Variants in CACNA2D2 observed in about 807,000 individuals in gnomAD.
CACNA2D2 encodes calcium voltage-gated channel auxiliary subunit alpha2delta 2, also known as voltage-dependent calcium channel subunit alpha-2/delta-2.
CACNA2D2 carries 48 observed loss-of-function variants against 166.4 expected under a neutral mutation model. The observed-to-expected ratio is 0.29, with a 90% confidence interval of 0.23 to 0.37. CACNA2D2 has a LOEUF of 0.37. Ranked by LOEUF, CACNA2D2 falls within the 10% of genes least tolerant of loss-of-function variation. The pLI is 1.00. For missense variants in CACNA2D2, 1,122 were observed against 1,433.0 expected (o/e 0.78, Z 3.50); for synonymous variants, 561 against 573.7 (o/e 0.98, Z 0.32).
intron 1 of CACNA2D2, among the ~76,000 whole-genome samples, chr3:50,479,907 A>G (rs926704453): frequency 6.6e-6 from 1 of 152,174 alleles, no homozygotes; most frequent in South Asian, 2.1e-4. Flanking sequence ...TTTCATTGAG[A>G]TGACACTGCT....
At chr3:50,486,715 C>A (rs1322297797) in intron 1 of CACNA2D2, among the ~76,000 whole-genome samples, 1 of 152,224 alleles carries the variant, frequency 6.6e-6, no homozygotes, top group Non-Finnish European at 1.5e-5. Context: ...ACAGTTCTCA[C>A]CACACTTTAC....
intron 4 of CACNA2D2, among the ~76,000 whole-genome samples, chr3:50,387,842 G>A (rs587720510): frequency 3.3e-5 from 5 of 152,264 alleles, no homozygotes; most frequent in East Asian, 3.9e-4. Flanking sequence ...AGTACCCCTC[G>A]ACTGAGAATT....
intron 2 of CACNA2D2, among the ~76,000 whole-genome samples, chr3:50,454,897 G>A (rs1330767012): frequency 6.6e-6 from 1 of 152,170 alleles, no homozygotes; most frequent in Non-Finnish European, 1.5e-5. Flanking sequence ...AACACTGCCT[G>A]CTGCACTGGT....
intron 3 of CACNA2D2, among the ~76,000 whole-genome samples, chr3:50,403,600 C>G (rs1034106596): frequency 6.6e-6 from 1 of 152,204 alleles, no homozygotes; most frequent in African/African-American, 2.4e-5. Flanking sequence ...CCCCAGCCCC[C>G]ACACCTTCAG....
intron 3 of CACNA2D2, among the ~76,000 whole-genome samples, chr3:50,419,424 C>T (rs1346517621): frequency 2.6e-5 from 4 of 152,150 alleles, no homozygotes; most frequent in African/African-American, 9.7e-5. Flanking sequence ...ATGGTTGGAG[C>T]TCTGAGTCGG....
chr3:50,379,531 G>T lies in CACNA2D2; in HGVS notation c.1053C>A (p.Arg351=), dbSNP rs780856556. The T allele has an allele frequency of 6.2e-7, 1 of 1,613,978 alleles. No homozygotes were observed. The highest frequency in any genetic ancestry group is 2.2e-5 in the East Asian group (1 of 44,884). Residue 351 remains arginine (R), a synonymous_variant, in exon 11 of 38, where the codon CGC becomes CGA. Transcript: ENST00000424201. This position sits in a 1 kb window ranked among gnomAD's most constrained non-coding sequence, Gnocchi z 6.5. ...CFTHLVQANV[R]NKKVFKEAVQ... ...CAGCTTCCTTGAACACCTTCTTGTTGCGCACATTGGCCTGCACCAGGTGTG... is the reference window on the plus strand; with the variant it reads ...CAGCTTCCTTGAACACCTTCTTGTTTCGCACATTGGCCTGCACCAGGTGTG...
chr3:50,487,049 T>C (rs1359299965), intron 1 of CACNA2D2, among the ~76,000 whole-genome samples: 1 of 152,202 alleles, frequency 6.6e-6, no homozygotes, highest in African/African-American at 2.4e-5. Flanking sequence ...CGCAGGCCAG[T>C]TCATGCCCAC....
At chr3:50,478,217 C>CA (rs1243381436) in intron 1 of CACNA2D2, among the ~76,000 whole-genome samples, 4 of 152,244 alleles carry the variant, frequency 2.6e-5, no homozygotes, top group Non-Finnish European at 4.4e-5. Context: ...AAGCAGGCCT[C>CA]AGCTGCCAGC....
At chr3:50,481,625 C>T (rs1331256332) in intron 1 of CACNA2D2, among the ~76,000 whole-genome samples, 2 of 152,108 alleles carry the variant, frequency 1.3e-5, no homozygotes, top group Non-Finnish European at 2.9e-5. Context: ...TTGGCAATGG[C>T]GGGGCCCCAC....
At position 50,386,713 on chromosome 3, in the gene CACNA2D2, G is replaced by A. The variant is rs587682940; in HGVS notation, c.510+855C>T. Among the ~76,000 whole-genome samples, 17 of 152,256 alleles carry A rather than the reference G, an allele frequency of 1.1e-4. No homozygotes were observed. The South Asian group carries it at 1.2e-3, about 11-fold the overall frequency. On this transcript the variant is annotated intron_variant, in intron 5 of 37. Coordinates refer to ENST00000424201, the MANE Select transcript of CACNA2D2 (RefSeq NM_006030.4). ...TTGCCCCAGGAAACCCACCAAGCCC[G>A]CAGGCCTAAGAGAGGAAGACTGAAT...
chr3:50,373,366 AGTGAC>A (rs1454183554), intron 22 of CACNA2D2, among the ~76,000 whole-genome samples: 1 of 150,306 alleles, frequency 6.7e-6, no homozygotes, highest in African/African-American at 2.5e-5. Flanking sequence ...CCTCCCTCCC[AGTGAC>A]CTCGGGCGTG....
rs757016762 is a variant in CACNA2D2 at position 50,367,382 on chromosome 3, G to A, written c.2401+12C>T. 64 of 1,610,418 alleles carry A rather than the reference G, an allele frequency of 4.0e-5. No individual in the cohort carries two copies. Among genetic ancestry groups the A allele is most frequent in the African/African-American group, 5.3e-5 (4 of 74,848 alleles). On this transcript the variant is annotated intron_variant, in intron 27 of 37. Transcript: ENST00000424201. The surrounding 1 kb of genome is among the most constrained non-coding windows in gnomAD (Gnocchi z 6.5). ...CCCTGCCTGCTGCTGGGCACACTGC[G>A]GGGACACTCACCATCCTGGTGTGGG...
At chr3:50,425,037 G>C (rs1433139596) in intron 3 of CACNA2D2, among the ~76,000 whole-genome samples, 4 of 152,120 alleles carry the variant, frequency 2.6e-5, no homozygotes, top group African/African-American at 9.7e-5. Flanking sequence ...GTATTTTAAG[G>C]CACAGAAAGT....
chr3:50,452,648 T>G (rs936893691), intron 2 of CACNA2D2, among the ~76,000 whole-genome samples: 2 of 152,194 alleles, frequency 1.3e-5, no homozygotes, highest in African/African-American at 4.8e-5. Context: ...AAGGCAAGAC[T>G]GAGTAAGATT....
intron 3 of CACNA2D2, among the ~76,000 whole-genome samples, chr3:50,414,709 C>T (rs942649754): frequency 6.6e-6 from 1 of 152,220 alleles, no homozygotes; most frequent in South Asian, 2.1e-4. Flanking sequence ...AACGCTGGCC[C>T]GATGGGATAA....
intron 1 of CACNA2D2, among the ~76,000 whole-genome samples, chr3:50,484,377 C>T (rs1287451306): frequency 3.3e-5 from 5 of 152,158 alleles, no homozygotes; most frequent in African/African-American, 4.8e-5. Context: ...CCTCTACACA[C>T]GGCTGGAGTG....
Position 50,389,766 on chromosome 3 carries a change from C to A in CACNA2D2, c.466-2154G>T, listed in dbSNP as rs768804450. On this transcript the variant is annotated intron_variant, in intron 4 of 37. Coordinates refer to ENST00000424201, the MANE Select transcript of CACNA2D2 (RefSeq NM_006030.4). ...ACCCAGGAGGATTCTTAGTCCCCTGCAGATGACAGATGAGGCTCAGGATTC... is the reference window on the plus strand; with the variant it reads ...ACCCAGGAGGATTCTTAGTCCCCTGAAGATGACAGATGAGGCTCAGGATTC... Among the ~76,000 whole-genome samples, 6 of 152,238 alleles carry A rather than the reference C, an allele frequency of 3.9e-5. No homozygotes were observed. In the South Asian group the frequency reaches 1.2e-3, roughly 31 times the overall value.
chr3:50,427,118 G>A lies in CACNA2D2; in HGVS notation c.405+7195C>T, dbSNP rs1480287862. Among the ~76,000 whole-genome samples, 2 of 152,174 alleles carry A rather than the reference G, an allele frequency of 1.3e-5. No individual in the cohort carries two copies. Among genetic ancestry groups the A allele is most frequent in the Admixed American group, 1.3e-4 (2 of 15,290 alleles). On this transcript the variant is annotated intron_variant, in intron 3 of 37. Coordinates refer to ENST00000424201, the MANE Select transcript of CACNA2D2 (RefSeq NM_006030.4). This position sits in a 1 kb window ranked among gnomAD's most constrained non-coding sequence, Gnocchi z 4.7. ...GACACTTGGGTTTACCGTCCCTTCC[G>A]CAGACATCCAGGCCACCTCGTCCAA...
At chr3:50,405,244 G>A (rs535757141) in intron 3 of CACNA2D2, among the ~76,000 whole-genome samples, 2 of 152,282 alleles carry the variant, frequency 1.3e-5, no homozygotes, top group African/African-American at 4.8e-5. Context: ...TGGGGGTGGA[G>A]GGTAGTGGAG....
Sources: gnomAD v4.1 joint callset for allele counts (sites outside exome capture counted in the v4.1 genomes callset) on GRCh38, gnomAD v4.1.1 for gene constraint, Gnocchi (gnomAD v3.1) non-coding constraint, MANE v1.5 for transcripts, NCBI Gene and HGNC (gene_info 2026-07-23, HGNC 2026-07-21) for gene names.